Variants in TXK observed in about 807,000 individuals in gnomAD.
TXK encodes the protein TXK tyrosine kinase, also known as tyrosine-protein kinase TXK.
In TXK, 60 loss-of-function variants were observed where a neutral mutation model predicts 81.0. That is an observed-to-expected ratio of 0.74 (90% CI 0.60 to 0.92). The LOEUF is 0.92. Among genes scored for constraint, TXK ranks in the 40% least tolerant of loss-of-function variants. TXK has a pLI of 0.00. For missense variants in TXK, 581 were observed against 638.3 expected (o/e 0.91, Z 0.97); for synonymous variants, 203 against 210.7 (o/e 0.96, Z 0.32).
At chr4:48,119,707 T>A (rs1718897083) in intron 1 of TXK, among the ~76,000 whole-genome samples, 1 of 152,236 alleles carries the variant, frequency 6.6e-6, no homozygotes, top group South Asian at 2.1e-4. Flanking sequence ...CAGCTGCTTC[T>A]GACTGCCATT....
intron 8 of TXK, among the ~76,000 whole-genome samples, chr4:48,090,825 C>T (rs570972465): frequency 6.6e-6 from 1 of 152,330 alleles, no homozygotes; most frequent in African/African-American, 2.4e-5. Flanking sequence ...AGAGTGGGTG[C>T]TCAGGGAAGG....
intron 1 of TXK, among the ~76,000 whole-genome samples, chr4:48,128,068 G>A (rs955028751): frequency 7.2e-5 from 11 of 152,194 alleles, no homozygotes; most frequent in Admixed American, 5.9e-4. Context: ...CGGGCTGCGC[G>A]GGAAGCAAAG....
intron 1 of TXK, among the ~76,000 whole-genome samples, chr4:48,125,975 G>A (rs548627757): frequency 2.4e-4 from 36 of 152,222 alleles, no homozygotes; most frequent in Admixed American, 2.2e-3. Flanking sequence ...CAAGTCCACC[G>A]ATTTAAATGT....
intron 1 of TXK, 49 bp from the exon 2 acceptor site, chr4:48,114,451 T>C: frequency 1.3e-6 from 2 of 1,575,132 alleles, no homozygotes; most frequent in Non-Finnish European, 1.7e-6. Flanking sequence ...GAGTACGTGA[T>C]ATTGAGGGAG....
chr4:48,079,537 T>A (rs1015396234), intron 11 of TXK, among the ~76,000 whole-genome samples: 1 of 152,128 alleles, frequency 6.6e-6, no homozygotes, highest in Non-Finnish European at 1.5e-5. Context: ...GTTTACTGGC[T>A]TCCCCCCACC....
chr4:48,132,972 A>T (rs934703914), intron 1 of TXK, among the ~76,000 whole-genome samples: 1 of 152,146 alleles, frequency 6.6e-6, no homozygotes, highest in Non-Finnish European at 1.5e-5. Flanking sequence ...CTCATACTTA[A>T]ATCCTGCGTC....
chr4:48,071,417 T>C, intron 14 of TXK, 100 bp downstream of exon 14: 1 of 1,240,330 alleles, frequency 8.1e-7, no homozygotes, highest in Admixed American at 2.3e-5. Context: ...CAGATGCCTT[T>C]TCCTGCCATG....
intron 5 of TXK, among the ~76,000 whole-genome samples, chr4:48,108,268 A>G (rs565533542): frequency 6.6e-6 from 1 of 152,306 alleles, no homozygotes; most frequent in South Asian, 2.1e-4. Flanking sequence ...AGGAGTGTTG[A>G]ATGCCTGTAA....
intron 10 of TXK, among the ~76,000 whole-genome samples, chr4:48,084,472 G>C (rs2109416290): frequency 6.6e-6 from 1 of 152,212 alleles, no homozygotes; most frequent in East Asian, 1.9e-4. Flanking sequence ...TTTCTTGTTT[G>C]ATAGACAGTC....
chr4:48,119,014 C>G (rs1419820752), intron 1 of TXK, among the ~76,000 whole-genome samples: 1 of 152,098 alleles, frequency 6.6e-6, no homozygotes, highest in African/African-American at 2.4e-5. Flanking sequence ...TTCACAAGGA[C>G]CAGGAGTGAG....
At chr4:48,132,274 TTTCC>T (rs1719264924) in intron 1 of TXK, among the ~76,000 whole-genome samples, 1 of 152,170 alleles carries the variant, frequency 6.6e-6, no homozygotes, top group Non-Finnish European at 1.5e-5. Flanking sequence ...CAGACAGTAT[TTTCC>T]TTCCTTATCT....
At chr4:48,089,584 G>A in intron 9 of TXK, 166 bp downstream of exon 9, 1 of 500,866 alleles carries the variant, frequency 2.0e-6, no homozygotes, top group Non-Finnish European at 3.8e-6. Flanking sequence ...TAGAGACGGG[G>A]TATCACCATT....
chr4:48,097,083 A>G (rs1007839851), intron 6 of TXK, among the ~76,000 whole-genome samples: 1 of 152,162 alleles, frequency 6.6e-6, no homozygotes, highest in Admixed American at 6.5e-5. Context: ...AATAAAGACA[A>G]AACATAAAAT....
Position 48,114,664 on chromosome 4 carries a change from G to A in TXK, c.17-262C>T, listed in dbSNP as rs140282252. On this transcript the variant is annotated intron_variant, in intron 1 of 14. Transcript: ENST00000264316. ...TCAGTCTGTGAGTGATAAATGACCA[G>A]TGTATTCTCTTTTACCTTTGTCAGG... is the stretch of plus-strand genomic sequence containing the variant. 3.8e-3 allele frequency: 1,683 copies of A among 446,340 alleles called. 30 individuals are homozygous for A. The highest frequency in any genetic ancestry group is 8.5e-3 in the East Asian group (223 of 26,308). The allele number at this position is 446,340 out of a possible 1,614,324, so 27.6% of individuals were successfully genotyped here. A position where few individuals can be genotyped will look rare whatever the true frequency, so the allele number is the denominator to read the frequency against.
chr4:48,081,628 T>C (rs1164613309), intron 10 of TXK, among the ~76,000 whole-genome samples: 1 of 152,176 alleles, frequency 6.6e-6, no homozygotes, highest in Non-Finnish European at 1.5e-5. Flanking sequence ...TCTCTTTCCC[T>C]AAGTAATCGC....
rs1269510751 is a variant in TXK, at chr4:48,080,044, T to C, written c.1041A>G (p.Glu347=). ...TGAGATAGTTAAGCAGGCAGCCATT[T>C]TCCATGAACTCTGTCACAATGTAAA... ...KPLYIVTEFM[E]NGCLLNYLRE... is the part of the protein sequence containing the mutation. The change falls in exon 11 of 15, where the codon GAA becomes GAG. Residue 347 remains glutamate, a synonymous_variant. Transcript: ENST00000264316. 3 of 1,614,130 alleles carry C rather than the reference T, an allele frequency of 1.9e-6. No individual in the cohort carries two copies. In the Admixed American group the frequency reaches 5.0e-5, roughly 27 times the overall value.
Position 48,071,665 on chromosome 4 carries a change from A to T in TXK, c.1367T>A (p.Met456Lys), listed in dbSNP as rs1209490041. Reference sequence around the variant, plus strand: ...TTTTCCTTCTGTAAAAACTTCCCACATTAAAACTCCTGCAAACAAAAATGC... The same window carrying T: ...TTTTCCTTCTGTAAAAACTTCCCACTTTAAAACTCCTGCAAACAAAAATGC... ...KSDVWSFGVL[M>K]WEVFTEGKMP... The change falls in exon 14 of 15, where the codon ATG (methionine) becomes AAG (lysine). Residue 456 changes from methionine (M) to lysine (K), a missense_variant. Met to Lys is a moderately conservative substitution (Grantham distance 95). Coordinates refer to ENST00000264316, the MANE Select transcript of TXK (RefSeq NM_003328.3). 1 of 1,613,868 alleles carries T rather than the reference A, an allele frequency of 6.2e-7. No individual in the cohort carries two copies. Among genetic ancestry groups the T allele is most frequent in the Non-Finnish European group, 8.5e-7 (1 of 1,179,970 alleles).
At chr4:48,111,407 G>C (rs1718628334) in intron 4 of TXK, among the ~76,000 whole-genome samples, 1 of 152,154 alleles carries the variant, frequency 6.6e-6, no homozygotes, top group African/African-American at 2.4e-5. Flanking sequence ...CTTGGGTTTG[G>C]AGGTAGTGGC....
At chr4:48,076,636 C>CT (rs904259549) in intron 11 of TXK, among the ~76,000 whole-genome samples, 170 bp from the exon 12 acceptor site, 69 of 148,952 alleles carry the variant, frequency 4.6e-4, no homozygotes, top group Non-Finnish European at 3.3e-4. Flanking sequence ...TTTGCCTTCA[C>CT]TTTTTTTTTT....
Sources: gnomAD v4.1 joint callset for allele counts (sites outside exome capture counted in the v4.1 genomes callset) on GRCh38, gnomAD v4.1.1 for gene constraint, MANE v1.5 for transcripts, NCBI Gene and HGNC (gene_info 2026-07-23, HGNC 2026-07-21) for gene names.